Variants in SUCLA2 observed in about 807,000 individuals in gnomAD.
SUCLA2 encodes succinate--CoA ligase [ADP-forming] subunit beta, mitochondrial.
A neutral mutation model predicts 54.8 loss-of-function variants in SUCLA2; 30 were observed. The observed-to-expected ratio is 0.55, with a 90% CI of 0.41 to 0.74. SUCLA2 has a LOEUF of 0.74. Among genes scored for constraint, SUCLA2 ranks in the 30% least tolerant of loss-of-function variants. The pLI, the probability that SUCLA2 is intolerant of heterozygous loss-of-function variation, is 0.00. For missense variants in SUCLA2, 476 were observed against 562.9 expected (o/e 0.85, Z 1.56); for synonymous variants, 172 against 188.9 (o/e 0.91, Z 0.74).
chr13:47,950,028 A>G (rs1949763910), intron 8 of SUCLA2, among the ~76,000 whole-genome samples: 2 of 152,358 alleles, frequency 1.3e-5, no homozygotes, highest in South Asian at 4.1e-4. Flanking sequence ...GTGTGGCAAG[A>G]GTAACACCAT....
intron 4 of SUCLA2, among the ~76,000 whole-genome samples, chr13:47,986,300 G>A (rs1296898413): frequency 6.6e-6 from 1 of 152,054 alleles, no homozygotes; most frequent in Admixed American, 6.5e-5. Flanking sequence ...CAAAGTGCTG[G>A]GATTACAGGC....
At position 47,943,205 on chromosome 13, in the gene SUCLA2, T is replaced by C; in HGVS notation, c.*166A>G. 1 of 735,812 alleles carries C rather than the reference T, an allele frequency of 1.4e-6. No individual in the cohort carries two copies. The highest frequency in any genetic ancestry group is 2.4e-6 in the Non-Finnish European group (1 of 409,084). 45.6% of individuals were successfully genotyped at this position (735,812 alleles called of 1,614,324 possible). A position where few individuals can be genotyped will look rare whatever the true frequency, so the allele number is the denominator to read the frequency against. On this transcript the variant is annotated 3_prime_UTR_variant, in exon 11 of 11. Coordinates refer to ENST00000646932, the MANE Select transcript of SUCLA2 (RefSeq NM_003850.3). ...CATGCTTCGTACAAACAGTCCATTC[T>C]GAATGGTACAATTAAATGCAGTCCA...
At chr13:47,997,077 G>C in intron 1 of SUCLA2, 54 bp from the exon 2 acceptor site, 1 of 1,589,756 alleles carries the variant, frequency 6.3e-7, no homozygotes, top group African/African-American at 1.3e-5. Flanking sequence ...AGTCACTCTT[G>C]CTAACTACTT....
chr13:47,972,666 CT>C (rs1555258042), intron 5 of SUCLA2, among the ~76,000 whole-genome samples: 1 of 45,662 alleles, frequency 2.2e-5, no homozygotes, highest in South Asian at 6.1e-4. Flanking sequence ...AAGACTCCGT[CT>C]TAAAAAAAAA....
rs150158291 is a variant in SUCLA2, at chr13:47,981,573, T to C, written c.534+6968A>G. On this transcript the variant is annotated intron_variant, in intron 4 of 10. Transcript: ENST00000646932. The stretch of plus-strand genomic sequence containing the variant: ...GGCTCATGCCTGTATTCCCAGCACT[T>C]TGGGAGGCCAAAGCAGGCAGAACAC... Among the ~76,000 whole-genome samples, 1,016 of 152,288 alleles carry C rather than the reference T, an allele frequency of 6.7e-3. 9 individuals are homozygous for C. The highest frequency in any genetic ancestry group is 0.023 in the African/African-American group (968 of 41,542).
At chr13:47,992,813 C>G (rs1485484511) in intron 2 of SUCLA2, among the ~76,000 whole-genome samples, 5 of 152,182 alleles carry the variant, frequency 3.3e-5, no homozygotes, top group African/African-American at 4.8e-5. Flanking sequence ...AATCTCCCTC[C>G]GGGCTGACAT....
Position 47,943,319 on chromosome 13 carries a change from C to G in SUCLA2, c.*52G>C. 1 of 1,528,762 alleles carries G rather than the reference C, an allele frequency of 6.5e-7. No individual in the cohort carries two copies. The highest frequency in any genetic ancestry group is 9.1e-7 in the Non-Finnish European group (1 of 1,102,950). The allele number at this position is 1,528,762 out of a possible 1,614,324, so 94.7% of individuals were successfully genotyped here. The stretch of plus-strand genomic sequence containing the variant: ...GAACAATAACACAGAACACAGTATT[C>G]TTAATGATTATAGCACATTTAACAC... On this transcript the variant is annotated 3_prime_UTR_variant, in exon 11 of 11. Transcript: ENST00000646932.
intron 1 of SUCLA2, among the ~76,000 whole-genome samples, chr13:47,997,500 T>C (rs976859229): frequency 5.9e-5 from 9 of 152,226 alleles, no homozygotes; most frequent in Non-Finnish European, 8.8e-5. Context: ...TAGTGGATGT[T>C]GCAGTATGCT....
At position 47,943,318 on chromosome 13, in the gene SUCLA2, T is replaced by G; in HGVS notation, c.*53A>C. On this transcript the variant is annotated 3_prime_UTR_variant, in exon 11 of 11. Transcript: ENST00000646932. The stretch of plus-strand genomic sequence containing the variant: ...AGAACAATAACACAGAACACAGTAT[T>G]CTTAATGATTATAGCACATTTAACA... 6.6e-7 allele frequency: 1 copy of G among 1,516,460 alleles called. No homozygotes were observed. Among genetic ancestry groups the G allele is most frequent in the South Asian group, 1.1e-5 (1 of 88,956 alleles). 93.9% of individuals were successfully genotyped at this position (1,516,460 alleles called of 1,614,324 possible).
chr13:47,963,258 A>G (rs758430748), intron 6 of SUCLA2, among the ~76,000 whole-genome samples: 2 of 152,210 alleles, frequency 1.3e-5, no homozygotes, highest in African/African-American at 4.8e-5. Context: ...GAATAAGAAA[A>G]TTATAAACAT....
chr13:47,999,234 C>G (rs144639622), intron 1 of SUCLA2, among the ~76,000 whole-genome samples: 3 of 152,272 alleles, frequency 2.0e-5, no homozygotes, highest in African/African-American at 7.2e-5. Flanking sequence ...CTAGAAAAAT[C>G]TGAATCTAAA....
chr13:47,976,205 C>A (rs1162568472), intron 4 of SUCLA2, among the ~76,000 whole-genome samples: 2 of 152,158 alleles, frequency 1.3e-5, no homozygotes, highest in Non-Finnish European at 2.9e-5. Context: ...TGCTCCCTGA[C>A]AAAAACACTG....
chr13:47,944,534 T>C (rs1177089947), intron 10 of SUCLA2, among the ~76,000 whole-genome samples: 1 of 152,148 alleles, frequency 6.6e-6, no homozygotes, highest in East Asian at 1.9e-4. Flanking sequence ...AGACAAGTTA[T>C]AACCTATTTA....
chr13:47,989,927 T>C (rs972576592), intron 2 of SUCLA2, among the ~76,000 whole-genome samples: 5 of 152,244 alleles, frequency 3.3e-5, no homozygotes, highest in East Asian at 3.8e-4. Flanking sequence ...TTTAAATAAA[T>C]GGACTGAATT....
chr13:47,959,136 A>T (rs944802110), intron 6 of SUCLA2, among the ~76,000 whole-genome samples: 3 of 152,146 alleles, frequency 2.0e-5, no homozygotes, highest in African/African-American at 7.2e-5. Flanking sequence ...AATTCTGTTT[A>T]AAAAATGTGC....
chr13:47,958,963 T>C (rs544834197), intron 6 of SUCLA2, among the ~76,000 whole-genome samples: 1 of 152,214 alleles, frequency 6.6e-6, no homozygotes, highest in Admixed American at 6.5e-5. Flanking sequence ...TTATTTTTGA[T>C]GCTCATTGGA....
intron 4 of SUCLA2, among the ~76,000 whole-genome samples, chr13:47,980,414 C>CA (rs559560672): frequency 1.6e-4 from 23 of 147,318 alleles, no homozygotes; most frequent in East Asian, 3.9e-4. Context: ...GACTCCATCT[C>CA]AAAAAAAAAT....
chr13:47,965,762 A>G (rs1949913000), intron 6 of SUCLA2: 10 of 393,442 alleles, frequency 2.5e-5, no homozygotes. Context: ...TAGTCAGGTT[A>G]TATAAGAGAA....
intron 1 of SUCLA2, chr13:48,000,861 G>A (rs1566095265): frequency 5.9e-6 from 7 of 1,182,840 alleles, no homozygotes; most frequent in Non-Finnish European, 7.4e-6. Context: ...ACGCCGGAAT[G>A]GCAGCAGAAA....
Sources: allele counts gnomAD v4.1 joint callset (sites outside exome capture counted in the v4.1 genomes callset), GRCh38; gene constraint gnomAD v4.1.1; transcripts MANE v1.5; gene names NCBI Gene and HGNC (gene_info 2026-07-23, HGNC 2026-07-21).